The following TRPC3 variants were observed in gnomAD, a reference collection of about 807,000 sequenced individuals.
The protein encoded by TRPC3 is transient receptor potential cation channel subfamily C member 3, also known as short transient receptor potential channel 3.
A neutral mutation model predicts 90.9 loss-of-function variants in TRPC3; 54 were observed. The observed-to-expected ratio is 0.59, with a 90% CI of 0.48 to 0.75. The LOEUF (loss-of-function observed/expected upper bound fraction) is 0.75, where lower values mean the gene tolerates loss of function less well. Ranked by LOEUF, TRPC3 falls within the 30% of genes least tolerant of loss-of-function variation. The pLI is 0.00. For missense variants in TRPC3, 918 were observed against 1,194.5 expected (o/e 0.77, Z 3.41); for synonymous variants, 424 against 450.9 (o/e 0.94, Z 0.75).
intron 7 of TRPC3, among the ~76,000 whole-genome samples, chr4:121,906,001 CT>C (rs1393364694): frequency 6.6e-6 from 1 of 152,072 alleles, no homozygotes; most frequent in African/African-American, 2.4e-5. Flanking sequence ...CTTGCTGCCC[CT>C]AGCTTCTCCT....
intron 2 of TRPC3, among the ~76,000 whole-genome samples, chr4:121,927,934 CAGA>C (rs1055261579): frequency 1.3e-5 from 2 of 152,128 alleles, no homozygotes; most frequent in African/African-American, 4.8e-5. Flanking sequence ...TTATAGCATC[CAGA>C]AGAAGTATTA....
chr4:121,906,908 G>A (rs1002586484), intron 7 of TRPC3, among the ~76,000 whole-genome samples: 2 of 152,056 alleles, frequency 1.3e-5, no homozygotes, highest in East Asian at 1.9e-4. Context: ...CCTCTTACTC[G>A]ACTTCCTGTA....
chr4:121,910,478 C>T, intron 5 of TRPC3, 91 bp from the exon 6 acceptor site: 1 of 978,736 alleles, frequency 1.0e-6, no homozygotes, highest in Non-Finnish European at 1.6e-6. Flanking sequence ...ACATCTCTAC[C>T]CTACACGTCA....
chr4:121,892,372 A>G (rs1362623712), intron 10 of TRPC3, among the ~76,000 whole-genome samples: 1 of 152,202 alleles, frequency 6.6e-6, no homozygotes, highest in Non-Finnish European at 1.5e-5. Context: ...AACTTTACAG[A>G]AATTTCTTAT....
chr4:121,908,936 G>C (rs1418508076), intron 6 of TRPC3, among the ~76,000 whole-genome samples: 1 of 152,018 alleles, frequency 6.6e-6, no homozygotes, highest in Non-Finnish European at 1.5e-5. Flanking sequence ...ATGATCCTAT[G>C]GATTTGATAT....
chr4:121,901,383 G>A (rs1490570605), intron 9 of TRPC3, among the ~76,000 whole-genome samples: 4 of 152,166 alleles, frequency 2.6e-5, no homozygotes, highest in Admixed American at 2.0e-4. Context: ...GTGGACTCAG[G>A]TGCTGAACAT....
chr4:121,938,032 AC>A (rs1407488871), intron 1 of TRPC3, among the ~76,000 whole-genome samples: 1 of 151,162 alleles, frequency 6.6e-6, no homozygotes, highest in South Asian at 2.1e-4. Context: ...AAAAAAAAAA[AC>A]AACCCAGAGT....
At chr4:121,891,727 C>A (rs1420258012) in intron 10 of TRPC3, among the ~76,000 whole-genome samples, 1 of 152,162 alleles carries the variant, frequency 6.6e-6, no homozygotes, top group African/African-American at 2.4e-5. Context: ...ACAAGCAAAC[C>A]TTACTAAAAT....
Position 121,940,050 on chromosome 4 carries a change from T to C in TRPC3, c.216-7008A>G, listed in dbSNP as rs78171161. 4.0e-3 allele frequency among the ~76,000 whole-genome samples: 613 copies of C among 152,298 alleles called. 9 individuals carry two copies. The highest frequency in any genetic ancestry group is 0.014 in the African/African-American group (578 of 41,556). On this transcript the variant is annotated intron_variant, in intron 1 of 11. Coordinates refer to ENST00000379645, the MANE Select transcript of TRPC3 (RefSeq NM_001130698.2). ...TAAAAGAGGTCAGCCTCCCGGCCTC[T>C]TTCTGCAGTGTGCTGAATGCTGGTA... is the stretch of plus-strand genomic sequence containing the variant.
rs1197181033 is a variant in TRPC3 at position 121,910,303 on chromosome 4, C to G, written c.1643G>C (p.Gly548Ala). The change falls in exon 6 of 12, where the codon GGG becomes GCG. Residue 548 changes from glycine (G) to alanine (A), a missense_variant. Around this residue, in one of 4 missense-constraint regions of TRPC3, gnomAD observed 147 missense variants for 263.5 expected, o/e 0.56. Transcript: ENST00000379645. Reference sequence around the variant, plus strand: ...AGCAGCAATGAAGATGGACAGCATCCCAAAGTCAAGCACATTCCACAACTG... The same window carrying G: ...AGCAGCAATGAAGATGGACAGCATCGCAAAGTCAAGCACATTCCACAACTG... ...ILQLWNVLDF[G>A]MLSIFIAAFT... 6.2e-7 allele frequency: 1 copy of G among 1,613,684 alleles called. No individual in the cohort carries two copies.
rs34507256 is a variant in TRPC3 at position 121,910,239 on chromosome 4, C to T, written c.1707G>A (p.Lys569=). ...CGTAACTGTCCACATACTGTTGTGCCTTCGTTGCCTGAAGGAAAGCTAGGA... is the reference window on the plus strand; with the variant it reads ...CGTAACTGTCCACATACTGTTGTGCTTTCGTTGCCTGAAGGAAAGCTAGGA... The part of the protein sequence containing the change: ...ARFLAFLQAT[K]AQQYVDSYVQ... Residue 569 remains lysine, a synonymous_variant, in exon 6 of 12, where the codon AAG becomes AAA. Coordinates refer to ENST00000379645, the MANE Select transcript of TRPC3 (RefSeq NM_001130698.2). 4,496 of 1,613,808 alleles carry T rather than the reference C, an allele frequency of 2.8e-3. 16 individuals are homozygous for T. The highest frequency in any genetic ancestry group is 5.6e-3 in the South Asian group (514 of 91,078).
chr4:121,932,645 G>C lies in TRPC3; in HGVS notation c.613C>G (p.Arg205Gly). Residue 205 changes from arginine (R) to glycine (G), a missense_variant, in exon 2 of 12, where the codon CGT becomes GGT. This residue lies in a region of TRPC3 where 609 missense variants were observed against 725.9 expected (regional missense o/e 0.84). Coordinates refer to ENST00000379645, the MANE Select transcript of TRPC3 (RefSeq NM_001130698.2). This position sits in a 1 kb window ranked among gnomAD's most constrained non-coding sequence, Gnocchi z 7.7. ...LNHPGFAASKRLTLSPCEQEL... is the reference protein window; with the variant it reads ...LNHPGFAASKGLTLSPCEQEL... Reference sequence around the variant, plus strand: ...TGCTCACAGGGGCTCAGAGTGAGACGCTTGCTGGCCGCGAAGCCAGGGTGG... The same window carrying C: ...TGCTCACAGGGGCTCAGAGTGAGACCCTTGCTGGCCGCGAAGCCAGGGTGG... The C allele has an allele frequency of 3.1e-6, 5 of 1,612,502 alleles. No individual in the cohort carries two copies. Among genetic ancestry groups the C allele is most frequent in the Non-Finnish European group, 4.2e-6 (5 of 1,178,810 alleles).
intron 4 of TRPC3, among the ~76,000 whole-genome samples, chr4:121,912,794 A>G (rs1560700970): frequency 6.6e-6 from 1 of 152,204 alleles, no homozygotes; most frequent in Non-Finnish European, 1.5e-5. Flanking sequence ...TCAGTATATA[A>G]TTATTTTAAG....
chr4:121,925,718 G>A (rs1729683197), intron 2 of TRPC3, among the ~76,000 whole-genome samples: 1 of 152,142 alleles, frequency 6.6e-6, no homozygotes, highest in Non-Finnish European at 1.5e-5. Context: ...AGTAACGTGA[G>A]GTGACAGATA....
chr4:121,920,866 T>G (rs1553940812), intron 3 of TRPC3, among the ~76,000 whole-genome samples: 1 of 152,218 alleles, frequency 6.6e-6, no homozygotes, highest in African/African-American at 2.4e-5. Context: ...TTTTGTGAGA[T>G]ACAATCGAAA....
intron 5 of TRPC3, among the ~76,000 whole-genome samples, 158 bp from the exon 6 acceptor site, chr4:121,910,545 C>T (rs745534221): frequency 2.8e-4 from 43 of 152,046 alleles, no homozygotes; most frequent in Non-Finnish European, 4.7e-4. Flanking sequence ...TCACTGAGGC[C>T]CTGTGCAGAG....
intron 3 of TRPC3, among the ~76,000 whole-genome samples, chr4:121,921,249 G>T (rs1334449123): frequency 6.6e-6 from 1 of 152,022 alleles, no homozygotes; most frequent in Non-Finnish European, 1.5e-5. Flanking sequence ...CTGGCCGGGC[G>T]CGGTGGCTCA....
At chr4:121,936,042 C>T (rs1034759890) in intron 1 of TRPC3, among the ~76,000 whole-genome samples, 2 of 152,114 alleles carry the variant, frequency 1.3e-5, no homozygotes, top group African/African-American at 2.4e-5. Flanking sequence ...TCTTTAAAAA[C>T]TTCTGACACT....
chr4:121,892,626 G>C (rs1185954697), intron 10 of TRPC3, among the ~76,000 whole-genome samples: 1 of 152,086 alleles, frequency 6.6e-6, no homozygotes, highest in Non-Finnish European at 1.5e-5. Flanking sequence ...GTGGTTTTGT[G>C]AGAACTGCAC....
Sources: allele counts gnomAD v4.1 joint callset (sites outside exome capture counted in the v4.1 genomes callset), GRCh38; gene constraint gnomAD v4.1.1; regional missense constraint gnomAD v4.1.1; non-coding constraint Gnocchi (gnomAD v3.1); transcripts MANE v1.5; gene names NCBI Gene and HGNC (gene_info 2026-07-23, HGNC 2026-07-21).